Variants in MBP observed in about 807,000 individuals in gnomAD.
MBP encodes the protein Golli-MBP.
In MBP, 16 loss-of-function variants were observed where a neutral mutation model predicts 35.8. The observed-to-expected ratio is 0.45, with a 90% CI of 0.30 to 0.68. The LOEUF is 0.68. Among genes scored for constraint, MBP ranks in the 30% least tolerant of loss-of-function variants. The pLI is 0.08. For missense variants in MBP, 380 were observed against 404.7 expected, an observed-to-expected ratio of 0.94 and a Z score of 0.52; for synonymous variants, 143 against 159.6, an observed-to-expected ratio of 0.90 and a Z score of 0.78.
chr18:76,985,164 T>C (rs766105941), intron 7 of MBP: 1 of 1,511,990 alleles, frequency 6.6e-7, no homozygotes, highest in Admixed American at 1.8e-5. Context: ...CAACCACACA[T>C]ATTTTAAGGA....
Position 77,018,956 on chromosome 18 carries a change from C to CCA in MBP, c.140-1689_140-1688insTG, listed in dbSNP as rs1380162074. 4.1e-4 allele frequency among the ~76,000 whole-genome samples: 51 copies of CCA among 124,364 alleles called. 1 individual carries two copies. The highest frequency in any genetic ancestry group is 3.5e-3 in the Admixed American group (43 of 12,460). 81.6% of individuals were successfully genotyped at this position (124,364 alleles called of 152,430 possible). A position where few individuals can be genotyped will look rare whatever the true frequency, so the allele number is the denominator to read the frequency against. On this transcript the variant is annotated intron_variant, in intron 3 of 8. Coordinates refer to ENST00000355994, the MANE Select transcript of MBP (RefSeq NM_001025101.2). ...TTTACCTACCTGTTCATCCATCCATCTATCCATTCATCCATCCATCCATCC... is the reference window on the plus strand; with the variant it reads ...TTTACCTACCTGTTCATCCATCCATCCATATCCATTCATCCATCCATCCATCC...
intron 3 of MBP, among the ~76,000 whole-genome samples, chr18:77,027,519 TC>T (rs1440009875): frequency 6.6e-6 from 1 of 151,810 alleles, no homozygotes; most frequent in Non-Finnish European, 1.5e-5. Context: ...CAGACCCAGC[TC>T]CCCGCCCTCG....
intron 2 of MBP, among the ~76,000 whole-genome samples, chr18:77,100,541 GTGTGTT>G (rs773961963): frequency 1.0e-5 from 1 of 97,622 alleles, no homozygotes. Context: ...GTGTGTGTGT[GTGTGTT>G]TTGTGGTTTT....
At chr18:77,092,069 G>C (rs1975550762) in intron 2 of MBP, among the ~76,000 whole-genome samples, 1 of 152,226 alleles carries the variant, frequency 6.6e-6, no homozygotes. Context: ...ATATAAAAAA[G>C]TTCTTTCCTA....
In MBP at chr18:77,131,407, G is replaced by T. The variant is rs1977266722; in HGVS notation, c.-26+1173C>A. 1 of 152,238 alleles carries T rather than the reference G, an allele frequency of 6.6e-6. No homozygotes were observed. The highest frequency in any genetic ancestry group is 2.4e-5 in the African/African-American group (1 of 41,422). 9.4% of individuals were successfully genotyped at this position (152,238 alleles called of 1,614,324 possible). On this transcript the variant is annotated intron_variant, in intron 1 of 8. Coordinates refer to ENST00000355994, the MANE Select transcript of MBP (RefSeq NM_001025101.2). This position sits in a 1 kb window ranked among gnomAD's most constrained non-coding sequence, Gnocchi z 5.5. ...CTCTGAAAAACTCTCTTTCCAGGCG[G>T]GGCGTTCTGTGGTCAGACGAGGCAG... is the stretch of plus-strand genomic sequence containing the variant.
intron 2 of MBP, among the ~76,000 whole-genome samples, chr18:77,092,302 C>CGGGGGCATCTGCAGAA (rs1437077124): frequency 2.0e-5 from 3 of 152,154 alleles, no homozygotes; most frequent in African/African-American, 7.2e-5. Flanking sequence ...CTGTCCCTCG[C>CGGGGGCATCTGCAGAA]GGGGGCATCT....
At chr18:77,082,006 A>G (rs936637578) in intron 2 of MBP, among the ~76,000 whole-genome samples, 1 of 149,854 alleles carries the variant, frequency 6.7e-6, no homozygotes. Context: ...TGCCCGCCAC[A>G]ACGCCTGGCT....
chr18:77,021,278 C>T (rs533976071), intron 3 of MBP, among the ~76,000 whole-genome samples: 18 of 152,284 alleles, frequency 1.2e-4, no homozygotes, highest in South Asian at 2.1e-4. Flanking sequence ...CACACACCCA[C>T]GTGTACACAC....
chr18:77,091,537 A>T (rs1975520224), intron 2 of MBP, among the ~76,000 whole-genome samples: 1 of 152,134 alleles, frequency 6.6e-6, no homozygotes, highest in South Asian at 2.1e-4. Context: ...AAGAGGCCAC[A>T]CAGTGTTCAA....
chr18:77,111,809 G>A (rs1976461672), intron 1 of MBP, among the ~76,000 whole-genome samples: 1 of 152,196 alleles, frequency 6.6e-6, no homozygotes, highest in African/African-American at 2.4e-5. Context: ...CAAGTCGGAG[G>A]GGCAGGCCCT....
intron 3 of MBP, among the ~76,000 whole-genome samples, chr18:77,018,997 C>T (rs1183161398): frequency 6.7e-6 from 1 of 149,248 alleles, no homozygotes; most frequent in Non-Finnish European, 1.5e-5. Context: ...TCCATCCATC[C>T]ATCCACTCAT....
At chr18:77,050,234 TGACTCATAGA>T (rs1290866704) in intron 3 of MBP, among the ~76,000 whole-genome samples, 3 of 152,224 alleles carry the variant, frequency 2.0e-5, no homozygotes, top group Non-Finnish European at 4.4e-5. Flanking sequence ...TGTTCAGTTT[TGACTCATAGA>T]GACACATTTG....
Position 77,059,008 on chromosome 18 carries a change from G to C in MBP, c.139+7290C>G, listed in dbSNP as rs867215429. Among the ~76,000 whole-genome samples, 10 of 4,330 alleles carry C rather than the reference G, an allele frequency of 2.3e-3. No homozygotes were observed. The Non-Finnish European group carries it at 0.13, about 56-fold the overall frequency. The allele number at this position is 4,330 out of a possible 152,430, so 2.8% of individuals were successfully genotyped here. On this transcript the variant is annotated intron_variant, in intron 3 of 8. Coordinates refer to ENST00000355994, the MANE Select transcript of MBP (RefSeq NM_001025101.2). ...TGAGGCTGCCCCAAGATGGAAGCGT[G>C]CTGGGGAAATAGGCATATTCAGCCA... is the stretch of plus-strand genomic sequence containing the variant.
At chr18:77,095,020 AGCTGTGACCAC>A (rs1326453755) in intron 2 of MBP, among the ~76,000 whole-genome samples, 1 of 152,288 alleles carries the variant, frequency 6.6e-6, no homozygotes, top group Admixed American at 6.5e-5. Context: ...AACAAATGCG[AGCTGTGACCAC>A]GTTGTGTGGC....
chr18:77,068,701 CAG>C (rs1468558535), intron 2 of MBP, among the ~76,000 whole-genome samples: 2 of 152,216 alleles, frequency 1.3e-5, no homozygotes, highest in Non-Finnish European at 2.9e-5. Context: ...TTGCGAGTCA[CAG>C]AGTCCCACGA....
intron 2 of MBP, among the ~76,000 whole-genome samples, chr18:77,077,449 C>A (rs1312755371): frequency 6.6e-6 from 1 of 152,104 alleles, no homozygotes; most frequent in Non-Finnish European, 1.5e-5. Context: ...AGGCTGGCAC[C>A]TACACTAGGT....
intron 1 of MBP, among the ~76,000 whole-genome samples, chr18:77,125,890 A>AG (rs1435608959): frequency 6.6e-6 from 1 of 151,358 alleles, no homozygotes; most frequent in Non-Finnish European, 1.5e-5. Context: ...CAAGAAACCA[A>AG]AAAAAAAAGA....
intron 4 of MBP, among the ~76,000 whole-genome samples, chr18:76,997,355 G>A (rs1970328136): frequency 1.3e-5 from 2 of 152,202 alleles, no homozygotes; most frequent in Admixed American, 1.3e-4. Flanking sequence ...CCACCTGTGT[G>A]GCCTTCAGCG....
At chr18:77,071,725 G>A (rs1208718874) in intron 2 of MBP, among the ~76,000 whole-genome samples, 3 of 152,150 alleles carry the variant, frequency 2.0e-5, no homozygotes. Context: ...CTGCTCAGGA[G>A]CTGAGCATAC....
Sources: allele counts gnomAD v4.1 joint callset (sites outside exome capture counted in the v4.1 genomes callset), GRCh38; gene constraint gnomAD v4.1.1; non-coding constraint Gnocchi (gnomAD v3.1); transcripts MANE v1.5; gene names NCBI Gene and HGNC (gene_info 2026-07-23, HGNC 2026-07-21).